PBK: variants seen among roughly 807,000 people sequenced by gnomAD.
PBK encodes the protein PDZ binding kinase.
A neutral mutation model predicts 33.5 loss-of-function variants in PBK; 22 were observed. The ratio of observed to expected loss-of-function variants is 0.66; its 90% CI spans 0.47 to 0.94. The LOEUF is 0.94. PBK is among the 40% of genes least tolerant of loss of function. The probability of loss-of-function intolerance (pLI) is 0.00; values close to 1 mark genes in which losing one functional copy is unlikely to be tolerated. For synonymous variants in PBK, 129 were observed against 123.8 expected (o/e 1.04, Z -0.28); for missense variants, 376 against 383.4 (o/e 0.98, Z 0.16).
chr8:27,834,323 G>A (rs992546580), intron 1 of PBK, among the ~76,000 whole-genome samples: 10 of 152,222 alleles, frequency 6.6e-5, no homozygotes, highest in Admixed American at 1.3e-4. Context: ...CACCGTGCCC[G>A]TCCAATGATC....
At chr8:27,823,008 T>A (rs1476948854) in intron 4 of PBK, 55 bp downstream of exon 4, 1 of 1,136,684 alleles carries the variant, frequency 8.8e-7, no homozygotes, top group African/African-American at 1.6e-5. Context: ...GCATATAAGC[T>A]GTTTCTGAAT....
intron 3 of PBK, among the ~76,000 whole-genome samples, chr8:27,824,406 G>GA (rs1044420126): frequency 6.7e-6 from 1 of 150,368 alleles, no homozygotes; most frequent in Non-Finnish European, 1.5e-5. Flanking sequence ...AAGACTAATA[G>GA]AAAAAAGGCA....
intron 6 of PBK, among the ~76,000 whole-genome samples, chr8:27,816,355 A>ATATATATATATATATATATT (rs1024094999): frequency 7.1e-6 from 1 of 140,944 alleles, no homozygotes; most frequent in African/African-American, 2.7e-5. Context: ...ATATATATAT[A>ATATATATATATATATATATT]TATTTATTTA....
chr8:27,817,799 G>T (rs1427829941), intron 6 of PBK, among the ~76,000 whole-genome samples: 1 of 152,070 alleles, frequency 6.6e-6, no homozygotes, highest in African/African-American at 2.4e-5. Flanking sequence ...GAAATGACTT[G>T]TGTCATTTCT....
chr8:27,833,509 C>CAA (rs112911608), intron 1 of PBK, among the ~76,000 whole-genome samples: 1 of 106,812 alleles, frequency 9.4e-6, no homozygotes, highest in Non-Finnish European at 2.1e-5. Flanking sequence ...AACTCCGTCT[C>CAA]AAAAAAAAAA....
chr8:27,818,462 G>A (rs902793125), intron 6 of PBK, among the ~76,000 whole-genome samples: 2 of 152,152 alleles, frequency 1.3e-5, no homozygotes, highest in African/African-American at 2.4e-5. Flanking sequence ...ATGGAGAAAC[G>A]TTTAACAGAT....
At chr8:27,820,497 A>G in intron 6 of PBK, 68 bp downstream of exon 6, 1 of 890,464 alleles carries the variant, frequency 1.1e-6, no homozygotes, top group East Asian at 2.5e-5. Context: ...ATCCATGTGG[A>G]CTTACGTATT....
chr8:27,824,309 C>T (rs1805986443), intron 3 of PBK, among the ~76,000 whole-genome samples: 1 of 152,034 alleles, frequency 6.6e-6, no homozygotes, highest in South Asian at 2.1e-4. Flanking sequence ...CAATCTTCAC[C>T]TTTTCCATAA....
chr8:27,833,383 C>T (rs1045315127), intron 1 of PBK, among the ~76,000 whole-genome samples: 5 of 152,010 alleles, frequency 3.3e-5, no homozygotes, highest in African/African-American at 1.2e-4. Flanking sequence ...GTGGCGCATG[C>T]GTGTAATCCC....
At chr8:27,813,230 A>C (rs765478031) in intron 6 of PBK, among the ~76,000 whole-genome samples, 10 of 152,116 alleles carry the variant, frequency 6.6e-5, no homozygotes, top group Non-Finnish European at 1.3e-4. Context: ...AGAAAACCAA[A>C]CACCACATGT....
intron 6 of PBK, 119 bp from the exon 7 acceptor site, chr8:27,811,253 G>GA: frequency 1.2e-6 from 1 of 812,366 alleles, no homozygotes; most frequent in Non-Finnish European, 2.0e-6. Flanking sequence ...AGTGTAGCCA[G>GA]AAAATGTAAA....
intron 4 of PBK, 102 bp from the exon 5 acceptor site, chr8:27,822,590 GACAAATAT>G: frequency 1.4e-6 from 1 of 694,174 alleles, no homozygotes; most frequent in Non-Finnish European, 2.3e-6. Flanking sequence ...GACTAACGCT[GACAAATAT>G]ACAATGAAAC....
chr8:27,822,836 C>A (rs1260334875), intron 4 of PBK, among the ~76,000 whole-genome samples: 1 of 152,044 alleles, frequency 6.6e-6, no homozygotes, highest in East Asian at 1.9e-4. Flanking sequence ...CTTCATAGAA[C>A]TAGCAACATA....
At chr8:27,835,900 C>T (rs188886101) in intron 1 of PBK, among the ~76,000 whole-genome samples, 78 of 150,888 alleles carry the variant, frequency 5.2e-4, no homozygotes, top group African/African-American at 1.8e-3. Flanking sequence ...TTCACTCAGT[C>T]AATATGCACA....
chr8:27,830,205 GA>G (rs35191143), intron 2 of PBK, among the ~76,000 whole-genome samples: 65,205 of 92,608 alleles, frequency 0.7, 22,010 homozygotes, highest in Middle Eastern at 0.8. Context: ...TCTGTCTCAA[GA>G]AAAAAAAAAA....
intron 6 of PBK, chr8:27,811,388 T>C (rs945254499): frequency 3.5e-6 from 2 of 566,968 alleles, no homozygotes; most frequent in Admixed American, 3.1e-5. Flanking sequence ...GAATATAGAA[T>C]GTGGATGTTG....
At chr8:27,821,298 T>G (rs976682879) in intron 5 of PBK, among the ~76,000 whole-genome samples, 3 of 152,180 alleles carry the variant, frequency 2.0e-5, no homozygotes, top group Non-Finnish European at 4.4e-5. Flanking sequence ...GTCTTGCTCT[T>G]GTTGCCCAGG....
chr8:27,825,701 C>T (rs757132266), intron 3 of PBK, among the ~76,000 whole-genome samples: 3 of 151,892 alleles, frequency 2.0e-5, no homozygotes, highest in South Asian at 4.2e-4. Context: ...ACCTAGATAC[C>T]GAACATTTCT....
Position 27,823,235 on chromosome 8 carries a change from G to A in PBK, c.153-30C>T, listed in dbSNP as rs748217754. The stretch of plus-strand genomic sequence containing the variant: ...GAAAAAAATTCATTTAAAAAGGATA[G>A]AAAACAATAAAACCACAATACTTTT... On this transcript the variant is annotated intron_variant, in intron 3 of 7. Coordinates refer to ENST00000301905, the MANE Select transcript of PBK (RefSeq NM_018492.4). The A allele has an allele frequency of 2.9e-6, 4 of 1,382,646 alleles. No individual in the cohort carries two copies. In the African/African-American group the frequency reaches 5.9e-5, roughly 20 times the overall value. The allele number at this position is 1,382,646 out of a possible 1,614,324, so 85.6% of individuals were successfully genotyped here.
Sources: gnomAD v4.1 joint callset for allele counts (sites outside exome capture counted in the v4.1 genomes callset) on GRCh38, gnomAD v4.1.1 for gene constraint, MANE v1.5 for transcripts, NCBI Gene and HGNC (gene_info 2026-07-23, HGNC 2026-07-21) for gene names.